C8orf34: variants seen among roughly 807,000 people sequenced by gnomAD.
The protein encoded by C8orf34 is chromosome 8 open reading frame 34, also known as uncharacterized protein C8orf34.
C8orf34 carries 65 observed loss-of-function variants against 68.3 expected under a neutral mutation model. The observed-to-expected ratio is 0.95, with a 90% CI of 0.78 to 1.17. The LOEUF (loss-of-function observed/expected upper bound fraction) is 1.17, where lower values mean the gene tolerates loss of function less well. Ranked by LOEUF, C8orf34 falls within the 50% of genes most tolerant of loss-of-function variation. The pLI, the probability that C8orf34 is intolerant of heterozygous loss-of-function variation, is 0.00. For missense variants in C8orf34, 664 were observed against 655.4 expected (o/e 1.01, Z -0.14); for synonymous variants, 244 against 241.2 (o/e 1.01, Z -0.11).
At chr8:68,599,628 C>T (rs1055851649) in intron 7 of C8orf34, among the ~76,000 whole-genome samples, 4 of 151,764 alleles carry the variant, frequency 2.6e-5, no homozygotes, top group African/African-American at 9.7e-5. Flanking sequence ...ACAGAATACA[C>T]AAAAATGAAA....
chr8:68,784,690 A>G (rs1045271422), intron 11 of C8orf34, among the ~76,000 whole-genome samples: 7 of 152,194 alleles, frequency 4.6e-5, no homozygotes, highest in Non-Finnish European at 1.0e-4. Context: ...TAATGACCCA[A>G]TACTGGCTTA....
At chr8:68,543,699 A>G (rs779209581) in intron 7 of C8orf34, among the ~76,000 whole-genome samples, 3 of 152,182 alleles carry the variant, frequency 2.0e-5, no homozygotes, top group Non-Finnish European at 4.4e-5. Context: ...TTAAAATCCA[A>G]ATTCATATTA....
chr8:68,740,870 A>G (rs1337857721), intron 10 of C8orf34, among the ~76,000 whole-genome samples: 2 of 152,226 alleles, frequency 1.3e-5, no homozygotes. Context: ...CAAATGTGGT[A>G]CATATACACT....
At chr8:68,360,116 C>A (rs1296544450) in intron 1 of C8orf34, among the ~76,000 whole-genome samples, 1 of 152,140 alleles carries the variant, frequency 6.6e-6, no homozygotes, top group Non-Finnish European at 1.5e-5. Flanking sequence ...GCCCAGTTAC[C>A]ATTCTTTCTT....
At chr8:68,371,555 G>T (rs187767566) in intron 1 of C8orf34, among the ~76,000 whole-genome samples, 28 of 151,492 alleles carry the variant, frequency 1.8e-4, no homozygotes, top group Non-Finnish European at 3.4e-4. Flanking sequence ...CTATGACTTG[G>T]GCTGAGAGTT....
chr8:68,534,409 C>T, intron 7 of C8orf34: 1 of 861,712 alleles, frequency 1.2e-6, no homozygotes, highest in South Asian at 5.3e-5. Context: ...GGTCTGGGAA[C>T]ATAAAAATAA....
chr8:68,764,964 T>G (rs908336645), intron 10 of C8orf34, among the ~76,000 whole-genome samples: 1 of 152,208 alleles, frequency 6.6e-6, no homozygotes, highest in Non-Finnish European at 1.5e-5. Context: ...AAATAAGAGA[T>G]AAACGAAGAA....
chr8:68,817,986 T>A (rs915298590), intron 13 of C8orf34, among the ~76,000 whole-genome samples: 1 of 147,352 alleles, frequency 6.8e-6, no homozygotes, highest in African/African-American at 2.5e-5. Flanking sequence ...GGATTGTAAT[T>A]CAACGAGATT....
At chr8:68,413,962 T>A (rs970727780) in intron 1 of C8orf34, among the ~76,000 whole-genome samples, 2 of 152,198 alleles carry the variant, frequency 1.3e-5, no homozygotes, top group African/African-American at 4.8e-5. Flanking sequence ...TTAGCTCACA[T>A]GCTATTTCAT....
At chr8:68,551,428 T>A (rs1446809896) in intron 7 of C8orf34, among the ~76,000 whole-genome samples, 2 of 152,076 alleles carry the variant, frequency 1.3e-5, no homozygotes, top group East Asian at 3.9e-4. Flanking sequence ...ATCTACTTTA[T>A]CCATTAGAGA....
intron 7 of C8orf34, among the ~76,000 whole-genome samples, chr8:68,621,229 T>G (rs1398587061): frequency 2.6e-5 from 4 of 152,180 alleles, no homozygotes; most frequent in Non-Finnish European, 4.4e-5. Context: ...CACGTGGTGC[T>G]TTGGTGCTCC....
At chr8:68,547,072 A>T (rs976305347) in intron 7 of C8orf34, among the ~76,000 whole-genome samples, 1 of 151,818 alleles carries the variant, frequency 6.6e-6, no homozygotes, top group Admixed American at 6.6e-5. Context: ...GAAATGAATC[A>T]ATGAAATCAA....
chr8:68,668,370 A>G (rs567023745), intron 8 of C8orf34, among the ~76,000 whole-genome samples: 3 of 152,286 alleles, frequency 2.0e-5, no homozygotes, highest in East Asian at 3.9e-4. Context: ...TCCATGGAAG[A>G]AAAAATATAC....
intron 2 of C8orf34, among the ~76,000 whole-genome samples, chr8:68,440,590 G>A (rs530574271): frequency 6.6e-6 from 1 of 152,224 alleles, no homozygotes; most frequent in East Asian, 1.9e-4. Context: ...ACAAAAAGAA[G>A]AAACTCTTAC....
Position 68,463,734 on chromosome 8 carries a change from T to A in C8orf34, c.608-4958T>A, listed in dbSNP as rs528187105. Among the ~76,000 whole-genome samples the A allele has an allele frequency of 6.6e-5, 10 of 152,086 alleles. 1 individual carries two copies. Among genetic ancestry groups the A allele is most frequent in the African/African-American group, 2.4e-4 (10 of 41,498 alleles). ...GATGCAGAAAAGGCCTTTGAAAAAATTCAACAACGCTTCATGCTAAAAGCT... is the reference window on the plus strand; with the variant it reads ...GATGCAGAAAAGGCCTTTGAAAAAAATCAACAACGCTTCATGCTAAAAGCT... On this transcript the variant is annotated intron_variant, in intron 3 of 13. Coordinates refer to ENST00000518698, the MANE Select transcript of C8orf34 (RefSeq NM_052958.4).
chr8:68,747,642 C>T lies in C8orf34; in HGVS notation c.1404+26205C>T, dbSNP rs186132706. On this transcript the variant is annotated intron_variant, in intron 10 of 13. Transcript: ENST00000518698. ...AGGGAACTCCCATTCACAATTGCTT[C>T]AAAGAGAATAAAATACCTAGGAATC... Among the ~76,000 whole-genome samples, 144 of 152,072 alleles carry T rather than the reference C, an allele frequency of 9.5e-4. 1 individual carries two copies. The East Asian group carries it at 0.026, about 28-fold the overall frequency.
At position 68,331,085 on chromosome 8, in the gene C8orf34, C is replaced by T; in HGVS notation, c.73C>T (p.His25Tyr). 6.7e-7 allele frequency: 1 copy of T among 1,490,758 alleles called. No individual in the cohort carries two copies. The highest frequency in any genetic ancestry group is 8.8e-7 in the Non-Finnish European group (1 of 1,130,508). 92.3% of individuals were successfully genotyped at this position (1,490,758 alleles called of 1,614,324 possible). ...LRPGFRLSAP[H>Y]ARVAPRAATH... ...CCCAGGCTTCCGGCTCTCAGCGCCC[C>T]ACGCGCGCGTGGCTCCCCGGGCTGC... The change falls in exon 1 of 14, where the codon CAC becomes TAC. Residue 25 changes from histidine (H) to tyrosine (Y), a missense_variant. By Grantham distance (83) the His-to-Tyr change is moderately conservative. Transcript: ENST00000518698.
intron 7 of C8orf34, among the ~76,000 whole-genome samples, chr8:68,624,469 C>T (rs1396987699): frequency 6.6e-6 from 1 of 152,106 alleles, no homozygotes; most frequent in Non-Finnish European, 1.5e-5. Context: ...ACCCTTAGCT[C>T]TAAATTTAGA....
At chr8:68,540,484 C>T (rs193279047) in intron 7 of C8orf34, among the ~76,000 whole-genome samples, 1 of 151,976 alleles carries the variant, frequency 6.6e-6, no homozygotes, top group Non-Finnish European at 1.5e-5. Context: ...TTCTTAAGTG[C>T]TCTCATATGC....
Sources: allele counts gnomAD v4.1 joint callset (sites outside exome capture counted in the v4.1 genomes callset), GRCh38; gene constraint gnomAD v4.1.1; transcripts MANE v1.5; gene names NCBI Gene and HGNC (gene_info 2026-07-23, HGNC 2026-07-21).